The following PRICKLE2 variants were observed in gnomAD, a reference collection of about 807,000 sequenced individuals.
The protein encoded by PRICKLE2 is prickle planar cell polarity protein 2, also known as prickle-like protein 2.
In PRICKLE2, 21 loss-of-function variants were observed where a neutral mutation model predicts 81.4. That is an observed-to-expected ratio of 0.26 (90% CI 0.18 to 0.37). PRICKLE2 has a LOEUF of 0.37. Among genes scored for constraint, PRICKLE2 ranks in the 10% least tolerant of loss-of-function variants. PRICKLE2 has a pLI of 1.00. For synonymous variants in PRICKLE2, 456 were observed against 421.5 expected, an observed-to-expected ratio of 1.08 and a Z score of -1.00; for missense variants, 940 against 1,109.0, an observed-to-expected ratio of 0.85 and a Z score of 2.16.
In PRICKLE2 at chr3:64,095,485, C is replaced by T. The variant is rs145812435; in HGVS notation, c.*3566G>A. 1 of 152,300 alleles carries T rather than the reference C, an allele frequency of 6.6e-6. No individual in the cohort carries two copies. The highest frequency in any genetic ancestry group is 1.9e-4 in the East Asian group (1 of 5,176). 9.4% of individuals were successfully genotyped at this position (152,300 alleles called of 1,614,324 possible). ...GTTGCAAAGATCTGTGAGGCTGCAT[C>T]CACATTCTCAGCAAGAGTATACAGT... On this transcript the variant is annotated 3_prime_UTR_variant, in exon 8 of 8. Coordinates refer to ENST00000638394, the MANE Select transcript of PRICKLE2 (RefSeq NM_198859.4).
chr3:64,154,240 A>G (rs1161628315), intron 5 of PRICKLE2: 4 of 152,188 alleles, frequency 2.6e-5, no homozygotes, highest in Non-Finnish European at 5.9e-5. Flanking sequence ...CTTACATCAT[A>G]CATAAAAATT....
rs182469264 is a variant in PRICKLE2, at chr3:64,164,110, C to T, written c.145-981G>A. Among the ~76,000 whole-genome samples the T allele has an allele frequency of 1.6e-3, 239 of 152,236 alleles. 2 individuals are homozygous for T. The highest frequency in any genetic ancestry group is 5.6e-3 in the African/African-American group (231 of 41,534). On this transcript the variant is annotated intron_variant, in intron 2 of 7. Coordinates refer to ENST00000638394, the MANE Select transcript of PRICKLE2 (RefSeq NM_198859.4). ...ATATTTGGCCAGGCATGGTGGCTCACACCTGAAATCCCAGCACCTTGGGGG... is the reference window on the plus strand; with the variant it reads ...ATATTTGGCCAGGCATGGTGGCTCATACCTGAAATCCCAGCACCTTGGGGG...
At chr3:64,255,096 T>C (rs2079506608) in intron 2 of PRICKLE2, among the ~76,000 whole-genome samples, 1 of 152,202 alleles carries the variant, frequency 6.6e-6, no homozygotes, top group African/African-American at 2.4e-5. Flanking sequence ...ATAAAAAAAC[T>C]GTGAGCCATG....
rs748423338 is a variant in PRICKLE2, at chr3:64,147,465, T to C, written c.1025A>G (p.Lys342Arg). ...GGGCTCCTCCGTCTTGCCCTTGTTC[T>C]TGCCAATTTTGGCACTGCGCCGGGA... ...KESRRSAKIGKNKGKTEEPML... is the reference protein window; with the variant it reads ...KESRRSAKIGRNKGKTEEPML... The change falls in exon 7 of 8, where the codon AAG becomes AGG. Residue 342 changes from lysine (K) to arginine (R), a missense_variant. Transcript: ENST00000638394. This position sits in a 1 kb window ranked among gnomAD's most constrained non-coding sequence, Gnocchi z 5.0. 1.8e-5 allele frequency: 29 copies of C among 1,614,264 alleles called. No homozygotes were observed. The highest frequency in any genetic ancestry group is 2.4e-5 in the Non-Finnish European group (28 of 1,180,056).
At chr3:64,235,148 T>G (rs918285632) in intron 2 of PRICKLE2, among the ~76,000 whole-genome samples, 1 of 152,196 alleles carries the variant, frequency 6.6e-6, no homozygotes, top group African/African-American at 2.4e-5. Context: ...CAGATTAAAA[T>G]CTACTCTTGA....
At chr3:64,178,728 T>C (rs1478695617) in intron 2 of PRICKLE2, among the ~76,000 whole-genome samples, 2 of 152,234 alleles carry the variant, frequency 1.3e-5, no homozygotes, top group African/African-American at 2.4e-5. Flanking sequence ...AATTTCTGAA[T>C]ACTAAACATT....
In PRICKLE2 at chr3:64,147,370, G is replaced by C; in HGVS notation, c.1120C>G (p.Leu374Val). The C allele has an allele frequency of 1.2e-6, 2 of 1,614,234 alleles. No homozygotes were observed. Among genetic ancestry groups the C allele is most frequent in the Non-Finnish European group, 1.7e-6 (2 of 1,180,048 alleles). The stretch of plus-strand genomic sequence containing the variant: ...GACAGGCTGAGCATGTCCATCTGCA[G>C]TGACAGGGGGTCTACGTCGGCTGAC... Reference protein sequence around the residue: ...RLSADVDPLSLQMDMLSLSSQ... With the variant: ...RLSADVDPLSVQMDMLSLSSQ... The change falls in exon 7 of 8, where the codon CTG becomes GTG. Residue 374 changes from leucine to valine, a missense_variant. Leu to Val is a conservative substitution (Grantham distance 32). Transcript: ENST00000638394. This position sits in a 1 kb window ranked among gnomAD's most constrained non-coding sequence, Gnocchi z 5.0.
In PRICKLE2 at chr3:64,163,045, G is replaced by C. The variant is rs765702961; in HGVS notation, c.229C>G (p.Leu77Val). ...PGEKLRIKQL[L>V]HQLPPHDNEV... is the part of the protein sequence containing the mutation. Reference sequence around the variant, plus strand: ...TTGTCATGTGGCGGCAGCTGGTGTAGTAGCTGCTTGATTCGCAGTTTCTCT... The same window carrying C: ...TTGTCATGTGGCGGCAGCTGGTGTACTAGCTGCTTGATTCGCAGTTTCTCT... Residue 77 changes from leucine to valine, a missense_variant, in exon 3 of 8, where the codon CTA (leucine) becomes GTA (valine). Leu to Val is a conservative substitution (Grantham distance 32). Coordinates refer to ENST00000638394, the MANE Select transcript of PRICKLE2 (RefSeq NM_198859.4). The C allele has an allele frequency of 1.1e-5, 18 of 1,613,580 alleles. No homozygotes were observed. The Admixed American group carries it at 1.2e-4, about 10-fold the overall frequency.
intron 1 of PRICKLE2, among the ~76,000 whole-genome samples, chr3:64,211,831 G>A (rs1322060078): frequency 6.6e-6 from 1 of 152,140 alleles, no homozygotes; most frequent in Non-Finnish European, 1.5e-5. Flanking sequence ...GGACCCAAAG[G>A]TTACTGAGTA....
chr3:64,153,410 C>T (rs1332308769), intron 5 of PRICKLE2, 42 bp from the exon 6 acceptor site: 1 of 1,595,928 alleles, frequency 6.3e-7, no homozygotes, highest in South Asian at 1.1e-5. Context: ...TAAAACCCAT[C>T]CAGAACATAT....
At chr3:64,176,302 T>C (rs923897695) in intron 2 of PRICKLE2, among the ~76,000 whole-genome samples, 10 of 152,272 alleles carry the variant, frequency 6.6e-5, no homozygotes, top group African/African-American at 2.4e-4. Context: ...CCAAAGAATA[T>C]CTGAATTTTG....
rs561260794 is a variant in PRICKLE2 at position 64,147,896 on chromosome 3, C to T, written c.788-194G>A. Among the ~76,000 whole-genome samples, 2 of 152,262 alleles carry T rather than the reference C, an allele frequency of 1.3e-5. No individual in the cohort carries two copies. Among genetic ancestry groups the T allele is most frequent in the South Asian group, 2.1e-4 (1 of 4,826 alleles). ...GAGAAGTCCTTGTTGTACCAGTATG[C>T]GCCTTAACTCATTTGCTCCAAGCAC... On this transcript the variant is annotated intron_variant, in intron 6 of 7. Transcript: ENST00000638394. This position sits in a 1 kb window ranked among gnomAD's most constrained non-coding sequence, Gnocchi z 5.0.
chr3:64,161,683 C>A (rs1197649408), intron 3 of PRICKLE2, among the ~76,000 whole-genome samples: 1 of 147,976 alleles, frequency 6.8e-6, no homozygotes, highest in East Asian at 2.0e-4. Flanking sequence ...CAGAGAAGAG[C>A]CAATCCCTTC....
intron 2 of PRICKLE2, among the ~76,000 whole-genome samples, chr3:64,178,992 TTTCTTTCTTTC>T (rs2078074304): frequency 6.9e-6 from 1 of 145,656 alleles, no homozygotes; most frequent in Admixed American, 6.9e-5. Flanking sequence ...TCTTTCTTTC[TTTCTTTCTTTC>T]TTTCTTTCTT....
chr3:64,112,349 G>A (rs768343993), intron 7 of PRICKLE2, among the ~76,000 whole-genome samples: 21 of 152,172 alleles, frequency 1.4e-4, no homozygotes, highest in Non-Finnish European at 2.9e-4. Context: ...CTTTAGGCTT[G>A]GGATCTTTGC....
At chr3:64,196,832 A>G (rs1362121123) in intron 2 of PRICKLE2, among the ~76,000 whole-genome samples, 1 of 152,224 alleles carries the variant, frequency 6.6e-6, no homozygotes, top group Non-Finnish European at 1.5e-5. Context: ...TGTTTTGTCT[A>G]AAAGGAATGG....
intron 7 of PRICKLE2, among the ~76,000 whole-genome samples, chr3:64,122,476 G>A (rs528668363): frequency 6.6e-6 from 1 of 152,306 alleles, no homozygotes; most frequent in East Asian, 1.9e-4. Flanking sequence ...TGCATTTTCA[G>A]CCAGTTCTTC....
At chr3:64,135,622 G>A (rs958327925) in intron 7 of PRICKLE2, among the ~76,000 whole-genome samples, 77 of 151,972 alleles carry the variant, frequency 5.1e-4, no homozygotes, top group Admixed American at 5.1e-3. Context: ...GATGTGTGAT[G>A]GTCTGATTTT....
Position 64,179,065 on chromosome 3 carries a change from C to A in PRICKLE2, c.145-15936G>T, listed in dbSNP as rs1233972859. ...CTTTCCTTCTTTCTTTCTTCTTTTT[C>A]TTTTCTCTCTCTCTCTGTCTCTTTC... On this transcript the variant is annotated intron_variant, in intron 2 of 7. Transcript: ENST00000638394. Among the ~76,000 whole-genome samples, 4 of 121,370 alleles carry A rather than the reference C, an allele frequency of 3.3e-5. No individual in the cohort carries two copies. In the Admixed American group the frequency reaches 3.6e-4, roughly 11 times the overall value. 79.6% of individuals were successfully genotyped at this position (121,370 alleles called of 152,430 possible).
Sources: allele counts gnomAD v4.1 joint callset (sites outside exome capture counted in the v4.1 genomes callset), GRCh38; gene constraint gnomAD v4.1.1; non-coding constraint Gnocchi (gnomAD v3.1); transcripts MANE v1.5; gene names NCBI Gene and HGNC (gene_info 2026-07-23, HGNC 2026-07-21).